CD44: variants seen among roughly 807,000 people sequenced by gnomAD.
CD44 encodes CD44 molecule (IN blood group), also known as CD44 antigen.
Under a neutral mutation model 88.8 loss-of-function variants are expected in CD44, and 49 were observed. The observed-to-expected ratio is 0.55, with a 90% CI of 0.44 to 0.70. The LOEUF is 0.70. CD44 is among the 30% of genes least tolerant of loss of function. CD44 has a pLI of 0.00. For missense variants in CD44, 883 were observed against 913.8 expected (o/e 0.97, Z 0.43); for synonymous variants, 325 against 312.3 (o/e 1.04, Z -0.43).
At position 35,220,372 on chromosome 11, in the gene CD44, T is replaced by TC. The variant is rs924221960; in HGVS notation, c.1945+986dup. On this transcript the variant is annotated intron_variant, in intron 16 of 17. Coordinates refer to ENST00000428726, the MANE Select transcript of CD44 (RefSeq NM_000610.4). The stretch of plus-strand genomic sequence containing the variant: ...AACAGAAATCGGGCCCTCCTGTCAG[T>TC]CTCCCCCACTTCTGACTCTACCTCC... Among the ~76,000 whole-genome samples the TC allele has an allele frequency of 1.1e-3, 163 of 147,514 alleles. 1 individual carries two copies. Among genetic ancestry groups the TC allele is most frequent in the African/African-American group, 3.6e-3 (146 of 40,804 alleles).
chr11:35,153,054 A>G (rs1860647169), intron 1 of CD44, among the ~76,000 whole-genome samples: 1 of 152,170 alleles, frequency 6.6e-6, no homozygotes, highest in Non-Finnish European at 1.5e-5. Flanking sequence ...AAAGGGTGTT[A>G]GGAATTATGT....
intron 14 of CD44, chr11:35,213,725 A>C (rs534205599): frequency 6.9e-6 from 1 of 145,958 alleles, no homozygotes; most frequent in Admixed American, 6.8e-5. Context: ...GATGGTGATA[A>C]TGATGGTGAT....
chr11:35,152,353 T>C (rs994930688), intron 1 of CD44, among the ~76,000 whole-genome samples: 5 of 152,178 alleles, frequency 3.3e-5, no homozygotes, highest in South Asian at 2.1e-4. Context: ...AACCAAGGTA[T>C]AAACAAAAGG....
At chr11:35,142,633 G>C (rs1858224870) in intron 1 of CD44, among the ~76,000 whole-genome samples, 1 of 152,156 alleles carries the variant, frequency 6.6e-6, no homozygotes, top group South Asian at 2.1e-4. Context: ...ATCTCTGTTG[G>C]GGCTAGCATC....
In CD44 at chr11:35,208,208, TA is replaced by T; in HGVS notation, c.1516+4del. On this transcript the variant is annotated splice_donor_region_variant and intron_variant, in intron 12 of 17. Transcript: ENST00000428726. ...CAGGACCTCTTTCAATGACAACGCGTAAGAATAACGATGCTCAGCCACTTTA... is the reference window on the plus strand; with the variant it reads ...CAGGACCTCTTTCAATGACAACGCGTAGAATAACGATGCTCAGCCACTTTA... 2.5e-6 allele frequency: 4 copies of T among 1,590,884 alleles called. No individual in the cohort carries two copies. The highest frequency in any genetic ancestry group is 3.5e-6 in the Non-Finnish European group (4 of 1,158,884).
At chr11:35,200,817 C>T (rs1013478091) in intron 7 of CD44, among the ~76,000 whole-genome samples, 2 of 152,160 alleles carry the variant, frequency 1.3e-5, no homozygotes, top group African/African-American at 4.8e-5. Flanking sequence ...GCTGCAGCTT[C>T]TTTGACTGTT....
At chr11:35,201,537 A>C in intron 8 of CD44, 134 bp from the exon 9 acceptor site, 1 of 1,103,250 alleles carries the variant, frequency 9.1e-7, no homozygotes, top group Non-Finnish European at 1.3e-6. Context: ...GTCACTCAAA[A>C]TTTTTGAGAG....
chr11:35,188,206 G>A (rs988295210), intron 4 of CD44, among the ~76,000 whole-genome samples: 2 of 152,146 alleles, frequency 1.3e-5, no homozygotes, highest in African/African-American at 4.8e-5. Context: ...GAGAATCTTC[G>A]TAGACCATAC....
At position 35,231,394 on chromosome 11, in the gene CD44, G is replaced by T. The variant is rs1950049148; in HGVS notation, c.*2061G>T. On this transcript the variant is annotated 3_prime_UTR_variant, in exon 18 of 18. Transcript: ENST00000428726. ...CTACCTGTCGCCCCAGGGAGAAAGG[G>T]GTAGTGATACAAGTCTCATAGCCAG... The T allele has an allele frequency of 6.6e-6, 1 of 152,126 alleles. No homozygotes were observed. Among genetic ancestry groups the T allele is most frequent in the Non-Finnish European group, 1.5e-5 (1 of 68,040 alleles). The allele number at this position is 152,126 out of a possible 1,614,324, so 9.4% of individuals were successfully genotyped here. A position where few individuals can be genotyped will look rare whatever the true frequency, so the allele number is the denominator to read the frequency against.
chr11:35,166,781 A>C (rs1273039101), intron 1 of CD44, among the ~76,000 whole-genome samples: 5 of 152,222 alleles, frequency 3.3e-5, no homozygotes, highest in African/African-American at 1.2e-4. Flanking sequence ...TCTGGGTATG[A>C]TTGTGCATGA....
At chr11:35,196,603 T>C in intron 5 of CD44, 143 bp from the exon 6 acceptor site, 1 of 860,384 alleles carries the variant, frequency 1.2e-6, no homozygotes, top group South Asian at 2.1e-5. Flanking sequence ...TGGAACTTTT[T>C]TGCTTTTTCC....
At chr11:35,167,102 TGAA>T (rs1377084861) in intron 1 of CD44, among the ~76,000 whole-genome samples, 1 of 152,186 alleles carries the variant, frequency 6.6e-6, no homozygotes, top group Admixed American at 6.5e-5. Flanking sequence ...TTCGAACAAA[TGAA>T]GAAGAAAATG....
chr11:35,194,823 T>A (rs965149010), intron 5 of CD44, among the ~76,000 whole-genome samples: 1 of 152,232 alleles, frequency 6.6e-6, no homozygotes, highest in South Asian at 2.1e-4. Context: ...AATGAATGAA[T>A]GAAATTATGA....
chr11:35,204,845 T>C (rs16927089), intron 10 of CD44: 5,763 of 507,358 alleles, frequency 0.011, 293 homozygotes, highest in African/African-American at 0.1. Flanking sequence ...AAGCCAGTTA[T>C]GAATAAGAAC....
In CD44 at chr11:35,211,290, GAAGGCTC is replaced by G; in HGVS notation, c.1654_1660del (p.Gly552LeufsTer23). On this transcript the variant is annotated frameshift_variant, in exon 14 of 18. Coordinates refer to ENST00000428726, the MANE Select transcript of CD44 (RefSeq NM_000610.4). LOFTEE classifies it high-confidence loss of function. ...TGGAAGAAGAGACCCAAATCATTCTGAAGGCTCAACTACTTTACTGGAAGGTTATACC... is the reference window on the plus strand; with the variant it reads ...TGGAAGAAGAGACCCAAATCATTCTGAACTACTTTACTGGAAGGTTATACC... The G allele has an allele frequency of 6.2e-7, 1 of 1,613,984 alleles. No homozygotes were observed. Among genetic ancestry groups the G allele is most frequent in the Non-Finnish European group, 8.5e-7 (1 of 1,179,910 alleles).
At chr11:35,184,890 G>A (rs1945502855) in intron 3 of CD44, among the ~76,000 whole-genome samples, 1 of 152,198 alleles carries the variant, frequency 6.6e-6, no homozygotes, top group Non-Finnish European at 1.5e-5. Context: ...GTGTTTACTG[G>A]AAGAATAGAC....
intron 14 of CD44, among the ~76,000 whole-genome samples, chr11:35,212,002 G>A (rs937235348): frequency 1.3e-5 from 2 of 151,918 alleles, no homozygotes; most frequent in Admixed American, 6.6e-5. Context: ...CACTTAAAAT[G>A]TTCATGATTT....
intron 11 of CD44, among the ~76,000 whole-genome samples, chr11:35,207,604 A>T (rs186713367): frequency 1.0e-3 from 156 of 152,214 alleles, no homozygotes; most frequent in African/African-American, 3.7e-3. Context: ...CTGTAACTCC[A>T]CCTAGGTGGT....
chr11:35,143,619 G>A (rs1055486164), intron 1 of CD44, among the ~76,000 whole-genome samples: 10 of 152,040 alleles, frequency 6.6e-5, no homozygotes, highest in South Asian at 4.1e-4. Flanking sequence ...GAAGCTATAC[G>A]TGGCTCTCCC....
Sources: gnomAD v4.1 joint callset for allele counts (sites outside exome capture counted in the v4.1 genomes callset) on GRCh38, gnomAD v4.1.1 for gene constraint, MANE v1.5 for transcripts, NCBI Gene and HGNC (gene_info 2026-07-23, HGNC 2026-07-21) for gene names.